GALNTL6: variants seen among roughly 807,000 people sequenced by gnomAD.
GALNTL6 encodes polypeptide N-acetylgalactosaminyltransferase like 6.
Under a neutral mutation model 73.7 loss-of-function variants are expected in GALNTL6, and 46 were observed. The ratio of observed to expected loss-of-function variants is 0.62; its 90% CI spans 0.49 to 0.80. The LOEUF (loss-of-function observed/expected upper bound fraction) is 0.80, where lower values mean the gene tolerates loss of function less well. Among genes scored for constraint, GALNTL6 ranks in the 30% least tolerant of loss-of-function variants. The pLI is 0.00. For synonymous variants in GALNTL6, 259 were observed against 263.7 expected, an observed-to-expected ratio of 0.98 and a Z score of 0.17; for missense variants, 604 against 755.0, an observed-to-expected ratio of 0.80 and a Z score of 2.34.
intron 2 of GALNTL6, among the ~76,000 whole-genome samples, chr4:172,079,518 A>G (rs1196839407): frequency 6.6e-6 from 1 of 152,062 alleles, no homozygotes; most frequent in Non-Finnish European, 1.5e-5. Flanking sequence ...TCCACATAGT[A>G]CTCAATTTTA....
At chr4:172,871,605 TGTGA>T (rs1744939819) in intron 7 of GALNTL6, among the ~76,000 whole-genome samples, 1 of 116,572 alleles carries the variant, frequency 8.6e-6, no homozygotes. Flanking sequence ...GGTGTGTGTG[TGTGA>T]GAGTGTGTGT....
intron 10 of GALNTL6, among the ~76,000 whole-genome samples, chr4:172,984,256 T>C (rs946481427): frequency 1.3e-5 from 2 of 152,198 alleles, no homozygotes; most frequent in African/African-American, 4.8e-5. Flanking sequence ...TCCACATGAC[T>C]GGAGAGGCCT....
intron 3 of GALNTL6, among the ~76,000 whole-genome samples, chr4:172,282,632 C>T (rs1417704193): frequency 1.5e-5 from 2 of 135,624 alleles, no homozygotes; most frequent in Non-Finnish European, 3.1e-5. Flanking sequence ...TGGAAAGACA[C>T]ATTGTTATGT....
intron 2 of GALNTL6, among the ~76,000 whole-genome samples, chr4:171,927,075 A>C (rs976668219): frequency 6.6e-6 from 1 of 151,734 alleles, no homozygotes; most frequent in Admixed American, 6.6e-5. Flanking sequence ...TTTTCTTTGT[A>C]CATAAGGAAC....
chr4:172,694,314 GC>G (rs1733539392), intron 5 of GALNTL6, among the ~76,000 whole-genome samples: 1 of 151,856 alleles, frequency 6.6e-6, no homozygotes. Flanking sequence ...ACCCCAACAG[GC>G]CCCAGTGTAT....
chr4:172,129,820 AAGAGGAGATACAC>A (rs1733405855), intron 2 of GALNTL6, among the ~76,000 whole-genome samples: 2 of 152,220 alleles, frequency 1.3e-5, no homozygotes, highest in Non-Finnish European at 2.9e-5. Flanking sequence ...CCTAGAATCC[AAGAGGAGATACAC>A]AGTGGGCTCA....
intron 8 of GALNTL6, among the ~76,000 whole-genome samples, chr4:172,913,350 C>T (rs980206078): frequency 1.3e-5 from 2 of 152,208 alleles, no homozygotes; most frequent in African/African-American, 4.8e-5. Context: ...AGGATCGCAG[C>T]TCCTCGCCAG....
intron 7 of GALNTL6, among the ~76,000 whole-genome samples, chr4:172,816,580 C>G (rs1741614758): frequency 6.6e-6 from 1 of 152,148 alleles, no homozygotes; most frequent in African/African-American, 2.4e-5. Flanking sequence ...ATAGACTACA[C>G]AGTCAAAGTG....
chr4:173,002,771 G>T (rs1211439446), intron 10 of GALNTL6, among the ~76,000 whole-genome samples: 1 of 149,696 alleles, frequency 6.7e-6, no homozygotes, highest in East Asian at 2.0e-4. Flanking sequence ...CTCCAGCCTG[G>T]GGGACAGAGT....
rs532138418 is a variant in GALNTL6 at position 172,070,191 on chromosome 4, T to C, written c.139-159465T>C. 8.1e-5 allele frequency among the ~76,000 whole-genome samples: 9 copies of C among 110,544 alleles called. 1 individual carries two copies. The highest frequency in any genetic ancestry group is 5.2e-4 in the South Asian group (2 of 3,812). 72.5% of individuals were successfully genotyped at this position (110,544 alleles called of 152,430 possible). A position where few individuals can be genotyped will look rare whatever the true frequency, so the allele number is the denominator to read the frequency against. On this transcript the variant is annotated intron_variant, in intron 2 of 12. Transcript: ENST00000506823. ...ATGAGATAACAATTTTGTTTTCAAA[T>C]CATACTATTGTTCATAGCTGCTTAT...
At chr4:172,911,535 A>T (rs1747203863) in intron 8 of GALNTL6, among the ~76,000 whole-genome samples, 1 of 152,242 alleles carries the variant, frequency 6.6e-6, no homozygotes, top group African/African-American at 2.4e-5. Context: ...TTCCTATGGA[A>T]TTTTTTCCTA....
intron 5 of GALNTL6, among the ~76,000 whole-genome samples, chr4:172,582,730 G>A (rs1737239932): frequency 6.9e-6 from 1 of 144,782 alleles, no homozygotes; most frequent in Non-Finnish European, 1.5e-5. Context: ...TACTCATTGG[G>A]AAATCACACA....
Position 172,138,341 on chromosome 4 carries a change from C to CT in GALNTL6, c.139-91310dup, listed in dbSNP as rs1477167794. Among the ~76,000 whole-genome samples, 5 of 148,910 alleles carry CT rather than the reference C, an allele frequency of 3.4e-5. No individual in the cohort carries two copies. The East Asian group carries it at 9.9e-4, about 30-fold the overall frequency. On this transcript the variant is annotated intron_variant, in intron 2 of 12. Transcript: ENST00000506823. Reference sequence around the variant, plus strand: ...GGTGTTACATGTTATTATATTACTCCTTTTTGCATTTTTGTCCTTTGCATT... The same window carrying CT: ...GGTGTTACATGTTATTATATTACTCCTTTTTTGCATTTTTGTCCTTTGCATT...
At chr4:171,882,727 G>A (rs1401154624) in intron 2 of GALNTL6, among the ~76,000 whole-genome samples, 3 of 152,192 alleles carry the variant, frequency 2.0e-5, no homozygotes, top group Admixed American at 2.0e-4. Flanking sequence ...TCTTCTGCCT[G>A]CTTGATTCTA....
rs550198028 is a variant in GALNTL6, at chr4:172,776,334, G to C, written c.554-33027G>C. Among the ~76,000 whole-genome samples the C allele has an allele frequency of 7.2e-5, 11 of 152,306 alleles. No homozygotes were observed. In the South Asian group the frequency reaches 2.3e-3, roughly 32 times the overall value. On this transcript the variant is annotated intron_variant, in intron 5 of 12. Coordinates refer to ENST00000506823, the MANE Select transcript of GALNTL6 (RefSeq NM_001034845.3). ...ATCTGTACTGTGAAATAACCACAGA[G>C]GTTGGTTAATGTATGCCAAAAATAG...
At chr4:172,760,979 G>A (rs757544850) in intron 5 of GALNTL6, among the ~76,000 whole-genome samples, 29 of 152,178 alleles carry the variant, frequency 1.9e-4, no homozygotes, top group Non-Finnish European at 3.7e-4. Context: ...AAAGAGGCTC[G>A]ATGAAGAGAG....
chr4:171,823,266 T>C (rs1449817739), intron 2 of GALNTL6, among the ~76,000 whole-genome samples: 2 of 151,988 alleles, frequency 1.3e-5, no homozygotes, highest in African/African-American at 4.8e-5. Flanking sequence ...GAGGTCAGCA[T>C]TGATCTAAAT....
chr4:172,136,006 A>G (rs904176671), intron 2 of GALNTL6, among the ~76,000 whole-genome samples: 13 of 152,214 alleles, frequency 8.5e-5, no homozygotes, highest in African/African-American at 3.1e-4. Context: ...TTGAGGACCT[A>G]TCAAAGTCCA....
chr4:172,186,812 C>T (rs375132270), intron 2 of GALNTL6, among the ~76,000 whole-genome samples: 221 of 152,066 alleles, frequency 1.5e-3, no homozygotes, highest in African/African-American at 5.0e-3. Context: ...AATGTGTATA[C>T]GTTTCCTTTT....
Sources: allele counts gnomAD v4.1 joint callset (sites outside exome capture counted in the v4.1 genomes callset), GRCh38; gene constraint gnomAD v4.1.1; transcripts MANE v1.5; gene names NCBI Gene and HGNC (gene_info 2026-07-23, HGNC 2026-07-21).